RPA2: variants seen among roughly 807,000 people sequenced by gnomAD.
RPA2 encodes the protein replication protein A2.
In RPA2, 22 loss-of-function variants were observed where a neutral mutation model predicts 33.4. The ratio of observed to expected loss-of-function variants is 0.66; its 90% CI spans 0.47 to 0.94. The LOEUF is 0.94. Ranked by LOEUF, RPA2 falls within the 40% of genes least tolerant of loss-of-function variation. The pLI, the probability that RPA2 is intolerant of heterozygous loss-of-function variation, is 0.00. For missense variants in RPA2, 279 were observed against 329.9 expected (o/e 0.85, Z 1.19); for synonymous variants, 109 against 114.9 (o/e 0.95, Z 0.33).
At chr1:27,899,740 G>GCA (rs2089943132) in intron 4 of RPA2, among the ~76,000 whole-genome samples, 1 of 152,022 alleles carries the variant, frequency 6.6e-6, no homozygotes, top group East Asian at 1.9e-4. Flanking sequence ...GAGTGCAGTG[G>GCA]TGGGATCTCA....
intron 4 of RPA2, among the ~76,000 whole-genome samples, chr1:27,905,769 A>C (rs1483591854): frequency 3.3e-5 from 5 of 151,970 alleles, no homozygotes; most frequent in African/African-American, 9.7e-5. Context: ...CTGGGACTAC[A>C]GGCGCCTGCC....
chr1:27,914,599 G>GT, upstream of RPA2: 1 of 1,613,742 alleles, frequency 6.2e-7, no homozygotes, highest in Non-Finnish European at 8.5e-7. Flanking sequence ...AGCTCCCGGG[G>GT]TGCTCGCTTC....
chr1:27,897,632 C>T lies in RPA2; in HGVS notation c.408+1G>A. On this transcript the variant is annotated splice_donor_variant, in intron 5 of 8. Coordinates refer to ENST00000373912, the MANE Select transcript of RPA2 (RefSeq NM_002946.5). LOFTEE classifies it high-confidence loss of function. ...TAACTGTTATTTTATTCTGACTTTA[C>T]CTGAAAAGATCTCAGGTGGCCTGCC... The T allele has an allele frequency of 3.1e-6, 5 of 1,596,354 alleles. No individual in the cohort carries two copies. Among genetic ancestry groups the T allele is most frequent in the Non-Finnish European group, 4.3e-6 (5 of 1,171,494 alleles).
intron 4 of RPA2, among the ~76,000 whole-genome samples, chr1:27,901,453 C>G (rs2089966537): frequency 6.6e-6 from 1 of 151,678 alleles, no homozygotes; most frequent in African/African-American, 2.4e-5. Context: ...ACCTCCACCT[C>G]CTGGGTTCAA....
chr1:27,914,381 GC>G lies in RPA2; in HGVS notation c.10+52del, dbSNP rs761297402. On this transcript the variant is annotated intron_variant, in intron 1 of 8. Transcript: ENST00000373912. ...TCTCGGACCCTAGGCTCGCCCTCTT[GC>G]TAAAACCTCCTGCGATTCTCTTCCT... The G allele has an allele frequency of 3.1e-6, 5 of 1,613,712 alleles. 1 individual carries two copies. The South Asian group carries it at 5.5e-5, about 18-fold the overall frequency.
chr1:27,905,847 T>A (rs2090020271), intron 4 of RPA2, among the ~76,000 whole-genome samples: 2 of 151,952 alleles, frequency 1.3e-5, no homozygotes. Flanking sequence ...CAGGATGGTC[T>A]TGATCTCCTG....
chr1:27,906,834 A>T, intron 4 of RPA2, 94 bp downstream of exon 4: 3 of 805,196 alleles, frequency 3.7e-6, no homozygotes, highest in African/African-American at 1.8e-5. Flanking sequence ...TTTTTGTATT[A>T]TTTTTATAAG....
upstream of RPA2, chr1:27,914,689 G>C (rs1392993587): frequency 1.2e-6 from 2 of 1,612,126 alleles, no homozygotes; most frequent in Non-Finnish European, 1.7e-6. Flanking sequence ...TGCGCTCCCA[G>C]TTGGCTCCAA....
At chr1:27,914,762 G>C (rs1390883320), upstream of RPA2, 9 of 1,306,060 alleles carry the variant, frequency 6.9e-6, no homozygotes, top group Non-Finnish European at 9.7e-6. Context: ...CAAGGGGCTG[G>C]CAGAGCGGTA....
chr1:27,895,105 C>T (rs1482528807), intron 6 of RPA2, among the ~76,000 whole-genome samples: 1 of 152,150 alleles, frequency 6.6e-6, no homozygotes, highest in African/African-American at 2.4e-5. Flanking sequence ...TCAAACTGAA[C>T]CTTCTCAGTA....
chr1:27,902,267 T>C (rs950574013), intron 4 of RPA2, among the ~76,000 whole-genome samples: 2 of 147,814 alleles, frequency 1.4e-5, no homozygotes, highest in Non-Finnish European at 3.0e-5. Context: ...TTTAATTTTT[T>C]TTATTATTTT....
At chr1:27,892,373 C>T (rs2089835784) in intron 8 of RPA2, 126 bp from the exon 9 acceptor site, 1 of 702,992 alleles carries the variant, frequency 1.4e-6, no homozygotes. Flanking sequence ...TAAGAATTCA[C>T]AAGTATTCTG....
At chr1:27,907,064 A>T (rs368431861) in intron 3 of RPA2, 23 bp from the exon 4 acceptor site, 66 of 1,578,302 alleles carry the variant, frequency 4.2e-5, no homozygotes, top group Non-Finnish European at 5.7e-5. Flanking sequence ...AAACAAAGAA[A>T]AAAAAAAAAG....
At chr1:27,914,260 G>A in intron 1 of RPA2, 91 bp from the exon 2 acceptor site, 1 of 1,596,630 alleles carries the variant, frequency 6.3e-7, no homozygotes, top group South Asian at 1.1e-5. Flanking sequence ...TTCAAACACT[G>A]CCCGAGTCTC....
At chr1:27,912,135 T>C (rs1437140718) in intron 2 of RPA2, among the ~76,000 whole-genome samples, 1 of 152,008 alleles carries the variant, frequency 6.6e-6, no homozygotes, top group Non-Finnish European at 1.5e-5. Flanking sequence ...TGTCCAAATA[T>C]ACCAGAATAT....
chr1:27,909,968 T>C (rs2090077930), intron 2 of RPA2, among the ~76,000 whole-genome samples: 2 of 152,222 alleles, frequency 1.3e-5, no homozygotes, highest in African/African-American at 4.8e-5. Context: ...TACTTTATGG[T>C]ATTTTATAGG....
chr1:27,892,251 G>T lies in RPA2; in HGVS notation c.729-4C>A, dbSNP rs567510650. 5.0e-6 allele frequency: 8 copies of T among 1,602,178 alleles called. No homozygotes were observed. In the East Asian group the frequency reaches 6.7e-5, roughly 13 times the overall value. On this transcript the variant is annotated splice_region_variant and splice_polypyrimidine_tract_variant and intron_variant, in intron 8 of 8. Transcript: ENST00000373912. ...GCTCAGAAAATCCACAGCTTGCCTA[G>T]AAAGAAAGAAGAAAAAAAAAAGGTC...
At chr1:27,898,922 A>G (rs1461099307) in intron 4 of RPA2, among the ~76,000 whole-genome samples, 2 of 152,292 alleles carry the variant, frequency 1.3e-5, no homozygotes, top group East Asian at 3.9e-4. Flanking sequence ...AAAATTGAAA[A>G]TATATCGGGG....
chr1:27,895,587 C>T (rs28905176), intron 6 of RPA2, among the ~76,000 whole-genome samples: 4 of 148,786 alleles, frequency 2.7e-5, no homozygotes, highest in African/African-American at 7.5e-5. Context: ...TGGTGGCAGC[C>T]GGGTGTGGTG....
Sources: gnomAD v4.1 joint callset for allele counts (sites outside exome capture counted in the v4.1 genomes callset) on GRCh38, gnomAD v4.1.1 for gene constraint, MANE v1.5 for transcripts, NCBI Gene and HGNC (gene_info 2026-07-23, HGNC 2026-07-21) for gene names.